Variants in DLG2 observed in about 807,000 individuals in gnomAD.
DLG2 encodes the protein disks large homolog 2.
Under a neutral mutation model 132.5 loss-of-function variants are expected in DLG2, and 45 were observed. The observed-to-expected ratio is 0.34, with a 90% confidence interval of 0.27 to 0.44. DLG2 has a LOEUF of 0.44. Among genes scored for constraint, DLG2 ranks in the 20% least tolerant of loss-of-function variants. DLG2 has a pLI of 1.00. For missense variants in DLG2, 1,045 were observed against 1,196.9 expected (o/e 0.87, Z 1.87); for synonymous variants, 424 against 419.6 (o/e 1.01, Z -0.13).
chr11:84,298,265 TTA>T (rs1041605890), intron 7 of DLG2, among the ~76,000 whole-genome samples: 105 of 152,272 alleles, frequency 6.9e-4, no homozygotes, highest in African/African-American at 2.0e-3. Context: ...CATGTGAAAA[TTA>T]TATGTTTCAT....
At chr11:84,100,454 C>T (rs1170332576) in intron 9 of DLG2, among the ~76,000 whole-genome samples, 1 of 151,410 alleles carries the variant, frequency 6.6e-6, no homozygotes, top group African/African-American at 2.4e-5. Flanking sequence ...CCCATCTCCA[C>T]AGCTACATAT....
At chr11:83,539,432 T>C (rs989775802) in intron 20 of DLG2, among the ~76,000 whole-genome samples, 2 of 152,122 alleles carry the variant, frequency 1.3e-5, no homozygotes, top group Non-Finnish European at 2.9e-5. Context: ...ACCTAATAAA[T>C]GTACGTTTTT....
chr11:85,200,132 AG>A (rs1253187141), intron 4 of DLG2, among the ~76,000 whole-genome samples: 1 of 152,034 alleles, frequency 6.6e-6, no homozygotes, highest in Non-Finnish European at 1.5e-5. Flanking sequence ...CCCAACACCT[AG>A]GGGGGTCATT....
At chr11:83,597,104 G>A (rs995126740) in intron 19 of DLG2, among the ~76,000 whole-genome samples, 25 of 152,040 alleles carry the variant, frequency 1.6e-4, no homozygotes, top group South Asian at 2.1e-4. Flanking sequence ...CATTGCCAAG[G>A]CTCAACAGTT....
At chr11:84,650,355 G>A (rs1023396695) in intron 6 of DLG2, among the ~76,000 whole-genome samples, 6 of 152,126 alleles carry the variant, frequency 3.9e-5, no homozygotes, top group African/African-American at 1.4e-4. Context: ...TTTCGTTGTA[G>A]GTATTAGAGA....
chr11:85,120,384 C>G (rs2074156512), intron 5 of DLG2, among the ~76,000 whole-genome samples: 1 of 151,932 alleles, frequency 6.6e-6, no homozygotes, highest in Non-Finnish European at 1.5e-5. Flanking sequence ...TAATTCAGGA[C>G]AGTTTTATTT....
At chr11:85,523,801 T>C (rs2074515386) in intron 3 of DLG2, among the ~76,000 whole-genome samples, 1 of 152,116 alleles carries the variant, frequency 6.6e-6, no homozygotes, top group African/African-American at 2.4e-5. Flanking sequence ...GCAGCACTAT[T>C]TACAATAGCC....
chr11:84,134,404 T>C lies in DLG2; in HGVS notation c.624+29057A>G, dbSNP rs567486923. ...AATTTGGGTTAAGAAGTGCTATTTA[T>C]TAAAGCCTAGGTATCTACTGGAACT... On this transcript the variant is annotated intron_variant, in intron 9 of 27. Transcript: ENST00000376104. Among the ~76,000 whole-genome samples the C allele has an allele frequency of 1.5e-4, 23 of 152,246 alleles. 2 individuals are homozygous for C. In the South Asian group the frequency reaches 4.8e-3, roughly 32 times the overall value.
rs138278738 is a variant in DLG2 at position 85,418,578 on chromosome 11, T to C, written c.41-133213A>G. Among the ~76,000 whole-genome samples the C allele has an allele frequency of 3.1e-3, 465 of 152,244 alleles. 1 individual carries two copies. The highest frequency in any genetic ancestry group is 0.011 in the African/African-American group (447 of 41,568). On this transcript the variant is annotated intron_variant, in intron 3 of 27. Transcript: ENST00000376104. The stretch of plus-strand genomic sequence containing the variant: ...CCCACTATTACTGTGTGGGAGTCTA[T>C]GTCTCTTTGTAAGTCTCTAAGAACT...
chr11:85,020,984 C>A, intron 6 of DLG2: 1 of 778,822 alleles, frequency 1.3e-6, no homozygotes. Context: ...TGCTGCTCTG[C>A]TCCTCTTCTG....
At chr11:85,197,289 T>C (rs2081142576) in intron 4 of DLG2, among the ~76,000 whole-genome samples, 1 of 152,210 alleles carries the variant, frequency 6.6e-6, no homozygotes. Flanking sequence ...TTTTTCTTGA[T>C]CCTAGATATC....
At chr11:85,549,126 C>T (rs1377000019) in intron 3 of DLG2, among the ~76,000 whole-genome samples, 1 of 152,184 alleles carries the variant, frequency 6.6e-6, no homozygotes, top group Non-Finnish European at 1.5e-5. Context: ...GGCTTGGGCG[C>T]TGGAGTGAAT....
chr11:85,169,330 G>GAAAT (rs1203551950), intron 4 of DLG2, among the ~76,000 whole-genome samples: 10 of 151,994 alleles, frequency 6.6e-5, no homozygotes, highest in African/African-American at 2.4e-4. Flanking sequence ...AGGGGCAAAG[G>GAAAT]AAATTTTCCG....
chr11:83,622,930 T>C (rs1440917934), intron 19 of DLG2, among the ~76,000 whole-genome samples: 2 of 152,188 alleles, frequency 1.3e-5, no homozygotes, highest in African/African-American at 2.4e-5. Context: ...TTCAGTCACA[T>C]TGAAGTCAAG....
intron 6 of DLG2, among the ~76,000 whole-genome samples, chr11:84,822,181 G>A (rs893945809): frequency 1.3e-5 from 2 of 151,740 alleles, no homozygotes; most frequent in Non-Finnish European, 2.9e-5. Context: ...CTCTTTGAAT[G>A]TCCAAAACAC....
At chr11:85,511,612 T>C (rs1326882001) in intron 3 of DLG2, among the ~76,000 whole-genome samples, 1 of 152,182 alleles carries the variant, frequency 6.6e-6, no homozygotes, top group Non-Finnish European at 1.5e-5. Flanking sequence ...CAAGGGACTA[T>C]GCATGTCTTG....
At chr11:83,953,484 C>T (rs776918849) in intron 14 of DLG2, among the ~76,000 whole-genome samples, 3 of 152,166 alleles carry the variant, frequency 2.0e-5, no homozygotes, top group Non-Finnish European at 4.4e-5. Flanking sequence ...GAAACAGTTT[C>T]GTCTGGAAAC....
chr11:83,556,673 G>A (rs958441441), intron 19 of DLG2, among the ~76,000 whole-genome samples: 10 of 152,126 alleles, frequency 6.6e-5, no homozygotes, highest in East Asian at 1.9e-4. Flanking sequence ...CACCCAGCCC[G>A]ATACCATTTT....
intron 6 of DLG2, among the ~76,000 whole-genome samples, chr11:85,018,620 C>T (rs1390069053): frequency 6.6e-6 from 1 of 152,086 alleles, no homozygotes; most frequent in Non-Finnish European, 1.5e-5. Flanking sequence ...CTCTACCTCA[C>T]ACTCTCTCAT....
Sources: allele counts gnomAD v4.1 joint callset (sites outside exome capture counted in the v4.1 genomes callset), GRCh38; gene constraint gnomAD v4.1.1; transcripts MANE v1.5; gene names NCBI Gene and HGNC (gene_info 2026-07-23, HGNC 2026-07-21).